The following FAM228B variants were observed in gnomAD, a reference collection of about 807,000 sequenced individuals.
The protein encoded by FAM228B is family with sequence similarity 228 member B.
FAM228B carries 38 observed loss-of-function variants against 42.6 expected under a neutral mutation model. The observed-to-expected ratio is 0.89, with a 90% confidence interval of 0.69 to 1.17. FAM228B has a LOEUF of 1.17. Ranked by LOEUF, FAM228B falls within the 50% of genes most tolerant of loss-of-function variation. The pLI is 0.00. For synonymous variants in FAM228B, 109 were observed against 122.3 expected (o/e 0.89, Z 0.72); for missense variants, 344 against 367.3 (o/e 0.94, Z 0.52).
chr2:24,082,619 T>A (rs1363235219), intron 2 of FAM228B, among the ~76,000 whole-genome samples: 1 of 152,192 alleles, frequency 6.6e-6, no homozygotes, highest in Non-Finnish European at 1.5e-5. Flanking sequence ...AGAAGCTCAG[T>A]ATGATTCTAA....
At position 24,093,500 on chromosome 2, in the gene FAM228B, C is replaced by T. The variant is rs557777529; in HGVS notation, c.-209-1641C>T. On this transcript the variant is annotated intron_variant, in intron 2 of 10. Coordinates refer to the FAM228B transcript ENST00000613899. ...ATGAACTCACTCTTTTTTATGGCTG[C>T]ATAGTATTCCATGGTGTATATGTAT... Among the ~76,000 whole-genome samples the T allele has an allele frequency of 9.2e-5, 14 of 152,296 alleles. No homozygotes were observed. In the South Asian group the frequency reaches 2.9e-3, roughly 32 times the overall value.
intron 7 of FAM228B, among the ~76,000 whole-genome samples, chr2:24,160,991 A>G (rs1667271483): frequency 1.3e-5 from 2 of 152,230 alleles, no homozygotes; most frequent in South Asian, 2.1e-4. Flanking sequence ...GGTTCTCAGT[A>G]AACAGTAAAT....
In FAM228B at chr2:24,077,468, A is replaced by T; in HGVS notation, c.-290+499A>T. On this transcript the variant is annotated intron_variant, in intron 1 of 10. Transcript: ENST00000613899. This position sits in a 1 kb window ranked among gnomAD's most constrained non-coding sequence, Gnocchi z 5.5. ...CTCTTTATTTCCTCATATCAGCTTT[A>T]AACGGCTCTGGAGGAAGCACCGGGT... is the stretch of plus-strand genomic sequence containing the variant. 1 of 1,291,382 alleles carries T rather than the reference A, an allele frequency of 7.7e-7. No individual in the cohort carries two copies. Among genetic ancestry groups the T allele is most frequent in the Non-Finnish European group, 1.0e-6 (1 of 965,522 alleles). The allele number at this position is 1,291,382 out of a possible 1,614,324, so 80.0% of individuals were successfully genotyped here. A position where few individuals can be genotyped will look rare whatever the true frequency, so the allele number is the denominator to read the frequency against.
chr2:24,112,545 G>A lies in FAM228B; in HGVS notation c.-121+17316G>A, dbSNP rs143902287. Among the ~76,000 whole-genome samples, 18 of 152,076 alleles carry A rather than the reference G, an allele frequency of 1.2e-4. No individual in the cohort carries two copies. In the East Asian group the frequency reaches 3.3e-3, roughly 28 times the overall value. On this transcript the variant is annotated intron_variant, in intron 3 of 10. Coordinates refer to the FAM228B transcript ENST00000613899. ...TCAAACTCCTGACCTCAGCTGATCC[G>A]CCAGCCTCAGTCTCCCAAAGTGCTG... is the stretch of plus-strand genomic sequence containing the variant.
chr2:24,136,242 T>C (rs1041326467), intron 3 of FAM228B, among the ~76,000 whole-genome samples: 1 of 151,736 alleles, frequency 6.6e-6, no homozygotes, highest in Non-Finnish European at 1.5e-5. Context: ...TTAATTTTTT[T>C]TTGAAACGGA....
intron 3 of FAM228B, chr2:24,097,192 C>T (rs1293953459): frequency 2.0e-5 from 3 of 152,120 alleles, no homozygotes; most frequent in Admixed American, 6.6e-5. Context: ...TAAAGACCAT[C>T]GATGCTATGA....
chr2:24,104,146 A>C (rs1416079627), intron 3 of FAM228B, among the ~76,000 whole-genome samples: 1 of 152,190 alleles, frequency 6.6e-6, no homozygotes, highest in Non-Finnish European at 1.5e-5. Flanking sequence ...TGGGCTCAGC[A>C]TGGAGCCAGG....
intron 8 of FAM228B, among the ~76,000 whole-genome samples, chr2:24,163,070 T>C (rs886656211): frequency 6.6e-6 from 1 of 151,980 alleles, no homozygotes; most frequent in Non-Finnish European, 1.5e-5. Context: ...GTCATATAAA[T>C]TACACCTTAT....
rs57641176 is a variant in FAM228B, at chr2:24,086,234, C to CAA, written c.-210+5296_-210+5297dup. On this transcript the variant is annotated intron_variant, in intron 2 of 10. Coordinates refer to the FAM228B transcript ENST00000613899. ...TGGACGACAGAGTGAGACTCCGTCT[C>CAA]AAAAAAAAAAAAAAAAAAGGAATTT... 3.6e-3 allele frequency among the ~76,000 whole-genome samples: 231 copies of CAA among 63,792 alleles called. 3 individuals are homozygous for CAA. Among genetic ancestry groups the CAA allele is most frequent in the Middle Eastern group, 7.2e-3 (1 of 138 alleles). The allele number at this position is 63,792 out of a possible 152,430, so 41.9% of individuals were successfully genotyped here.
At chr2:24,147,214 C>G in intron 7 of FAM228B, 128 bp downstream of exon 7, 1 of 619,262 alleles carries the variant, frequency 1.6e-6, no homozygotes, top group Non-Finnish European at 2.6e-6. Context: ...GACAGAGTCT[C>G]ACTCTGAAAA....
At chr2:24,167,476 C>T in intron 9 of FAM228B, 151 bp from the exon 10 acceptor site, 1 of 856,320 alleles carries the variant, frequency 1.2e-6, no homozygotes, top group Non-Finnish European at 1.8e-6. Flanking sequence ...CCTCACTGTC[C>T]ATTTAAACCT....
At chr2:24,122,619 T>G (rs1160977609), upstream of FAM228B, 4 of 891,236 alleles carry the variant, frequency 4.5e-6, no homozygotes, top group Admixed American at 2.0e-5. Context: ...ACAAATGTCC[T>G]TAAGACACTG....
Position 24,146,833 on chromosome 2 carries a change from C to A in FAM228B, c.527C>A (p.Thr176Asn). ...NEKRTLLQCE[T>N]GKIYSIKEFK... ...AAAAGAACTCTTCTTCAGTGTGAGA[C>A]TGGTACTTAGTTCCTAATTGTTATG... Residue 176 changes from threonine to asparagine, a missense_variant and splice_region_variant, in exon 6 of 11, where the codon ACT (threonine) becomes AAT (asparagine). Coordinates refer to ENST00000615575, the MANE Select transcript of FAM228B (RefSeq NM_001145710.2). The A allele has an allele frequency of 1.3e-6, 2 of 1,544,732 alleles. No individual in the cohort carries two copies. Among genetic ancestry groups the A allele is most frequent in the South Asian group, 1.2e-5 (1 of 83,832 alleles).
chr2:24,138,032 T>C lies in FAM228B; in HGVS notation c.292T>C (p.Ser98Pro), dbSNP rs1666645425. The stretch of plus-strand genomic sequence containing the variant: ...GAAGAAAATTATAGAAAAAGTTTGC[T>C]CACATAAGAAGATTAAAAAAAGGAG... Reference protein sequence around the residue: ...LQKKIIEKVCSHKKIKKRRQG... With the variant: ...LQKKIIEKVCPHKKIKKRRQG... Residue 98 changes from serine to proline, a missense_variant, in exon 4 of 11, where the codon TCA (serine) becomes CCA (proline). By Grantham distance (74) the Ser-to-Pro change is moderately conservative. Coordinates refer to ENST00000615575, the MANE Select transcript of FAM228B (RefSeq NM_001145710.2). 7 of 1,546,026 alleles carry C rather than the reference T, an allele frequency of 4.5e-6. No homozygotes were observed. The highest frequency in any genetic ancestry group is 5.2e-6 in the Non-Finnish European group (6 of 1,145,700).
At chr2:24,158,530 G>A (rs1482935148) in intron 7 of FAM228B, among the ~76,000 whole-genome samples, 1 of 152,118 alleles carries the variant, frequency 6.6e-6, no homozygotes, top group Non-Finnish European at 1.5e-5. Context: ...TGAGGAGGGG[G>A]TGAGATGCTG....
intron 2 of FAM228B, among the ~76,000 whole-genome samples, chr2:24,094,595 C>T (rs1194645313): frequency 3.9e-5 from 6 of 152,112 alleles, no homozygotes; most frequent in Admixed American, 3.9e-4. Flanking sequence ...AGGAATCCTA[C>T]CACCTCAGTC....
At chr2:24,120,760 A>G (rs139393611), upstream of FAM228B, among the ~76,000 whole-genome samples, 790 of 152,162 alleles carry the variant, frequency 5.2e-3, 6 homozygotes, top group African/African-American at 0.018. Flanking sequence ...TCACCATGTT[A>G]GCTAGGCTGG....
rs1666913361 is a variant in FAM228B, at chr2:24,147,069, A to G, written c.669A>G (p.Glu223=). ...LKLPTRYIES[E]FCRRRRLKVK... ...TGCCTACAAGATACATAGAAAGTGA[A>G]TTTTGTAGAAGGAGAAGGTAATGGT... The change falls in exon 7 of 11, where the codon GAA becomes GAG. Residue 223 remains glutamate, a synonymous_variant. Coordinates refer to ENST00000615575, the MANE Select transcript of FAM228B (RefSeq NM_001145710.2). 1 of 1,550,566 alleles carries G rather than the reference A, an allele frequency of 6.4e-7. No homozygotes were observed. The highest frequency in any genetic ancestry group is 8.7e-7 in the Non-Finnish European group (1 of 1,146,374).
intron 7 of FAM228B, among the ~76,000 whole-genome samples, chr2:24,151,860 T>C (rs1667031583): frequency 6.6e-6 from 1 of 151,950 alleles, no homozygotes; most frequent in Non-Finnish European, 1.5e-5. Flanking sequence ...ATTTTTGTAT[T>C]TTTATTTTTA....
Sources: gnomAD v4.1 joint callset for allele counts (sites outside exome capture counted in the v4.1 genomes callset) on GRCh38, gnomAD v4.1.1 for gene constraint, Gnocchi (gnomAD v3.1) non-coding constraint, MANE v1.5 for transcripts, NCBI Gene and HGNC (gene_info 2026-07-23, HGNC 2026-07-21) for gene names.